CCDC192: variants seen among roughly 807,000 people sequenced by gnomAD.
The protein encoded by CCDC192 is coiled-coil domain-containing protein 192.
At chr5:127,829,420 T>C (rs1374985747) in intron 5 of CCDC192, among the ~76,000 whole-genome samples, 1 of 152,124 alleles carries the variant, frequency 6.6e-6, no homozygotes, top group Non-Finnish European at 1.5e-5. Context: ...GGGGAAAATA[T>C]CATCTCCCAC....
chr5:127,706,722 C>G (rs1198908692), intron 1 of CCDC192, among the ~76,000 whole-genome samples: 1 of 152,040 alleles, frequency 6.6e-6, no homozygotes, highest in South Asian at 2.1e-4. Flanking sequence ...AAGGAGTTTA[C>G]ATTTTCAGTT....
At chr5:127,783,315 G>C (rs1209829608) in intron 3 of CCDC192, among the ~76,000 whole-genome samples, 1 of 152,122 alleles carries the variant, frequency 6.6e-6, no homozygotes, top group African/African-American at 2.4e-5. Context: ...TTGATAGGTT[G>C]TGTCACTATT....
intron 2 of CCDC192, among the ~76,000 whole-genome samples, chr5:127,723,628 T>G (rs942153997): frequency 1.3e-5 from 2 of 152,212 alleles, no homozygotes; most frequent in African/African-American, 4.8e-5. Flanking sequence ...AAGATATCAT[T>G]CGAAGGGGTT....
At chr5:127,911,928 A>C (rs1362933574) in intron 6 of CCDC192, among the ~76,000 whole-genome samples, 1 of 150,658 alleles carries the variant, frequency 6.6e-6, no homozygotes, top group African/African-American at 2.4e-5. Context: ...CCTCTCACCA[A>C]ATTTTTTTTT....
intron 3 of CCDC192, 117 bp downstream of exon 3, chr5:127,754,492 CAT>C (rs1223427293): frequency 8.2e-4 from 216 of 264,112 alleles, no homozygotes; most frequent in Admixed American, 4.8e-3. Context: ...CACACACACA[CAT>C]ACACACACAC....
At chr5:127,877,379 A>C (rs1752126188) in intron 6 of CCDC192, among the ~76,000 whole-genome samples, 1 of 151,866 alleles carries the variant, frequency 6.6e-6, no homozygotes, top group Non-Finnish European at 1.5e-5. Context: ...CTACCTGTAT[A>C]GAAAAACATG....
chr5:127,902,462 C>T (rs557402587), intron 6 of CCDC192, among the ~76,000 whole-genome samples: 1 of 152,096 alleles, frequency 6.6e-6, no homozygotes, highest in East Asian at 1.9e-4. Context: ...AAACTTCCTG[C>T]TCTCATTTAG....
chr5:127,739,822 C>T (rs1753297284), intron 2 of CCDC192: 1 of 152,810 alleles, frequency 6.5e-6, no homozygotes, highest in African/African-American at 2.4e-5. Flanking sequence ...TGACCTGCGC[C>T]CACTGTCTGG....
At chr5:127,865,204 C>G (rs1751558027) in intron 5 of CCDC192, among the ~76,000 whole-genome samples, 1 of 152,002 alleles carries the variant, frequency 6.6e-6, no homozygotes, top group Non-Finnish European at 1.5e-5. Flanking sequence ...GTCTCTCCAC[C>G]TATGAAACAT....
chr5:127,854,753 A>G (rs1750986686), intron 5 of CCDC192, among the ~76,000 whole-genome samples: 2 of 152,196 alleles, frequency 1.3e-5, no homozygotes, highest in African/African-American at 2.4e-5. Context: ...ATAATGCAAT[A>G]AAGTGAGTCA....
At chr5:127,786,140 G>T in intron 3 of CCDC192, 2 of 1,086,760 alleles carry the variant, frequency 1.8e-6, no homozygotes, top group Non-Finnish European at 2.8e-6. Context: ...AGTTCTGTGT[G>T]GAAAATTTCC....
intron 5 of CCDC192, among the ~76,000 whole-genome samples, chr5:127,851,200 G>C (rs577704519): frequency 6.6e-6 from 1 of 152,020 alleles, no homozygotes; most frequent in Non-Finnish European, 1.5e-5. Flanking sequence ...TATTAAATTG[G>C]TGTCTATGAT....
chr5:127,850,720 A>G (rs1268111282), intron 5 of CCDC192, among the ~76,000 whole-genome samples: 1 of 152,036 alleles, frequency 6.6e-6, no homozygotes, highest in Non-Finnish European at 1.5e-5. Context: ...AATCCCAGCA[A>G]TTTGGGAGGC....
At chr5:127,842,634 C>CA (rs1483314281) in intron 5 of CCDC192, among the ~76,000 whole-genome samples, 1 of 152,206 alleles carries the variant, frequency 6.6e-6, no homozygotes, top group African/African-American at 2.4e-5. Context: ...TAATTTTCTA[C>CA]AAAATATTCC....
chr5:127,809,838 T>C (rs980056368), intron 5 of CCDC192, among the ~76,000 whole-genome samples: 3 of 152,126 alleles, frequency 2.0e-5, no homozygotes, highest in Non-Finnish European at 2.9e-5. Context: ...AAGCCCAAGA[T>C]CACTAATTTT....
chr5:127,727,335 G>A (rs1417021110), intron 2 of CCDC192, among the ~76,000 whole-genome samples: 1 of 152,102 alleles, frequency 6.6e-6, no homozygotes, highest in East Asian at 1.9e-4. Context: ...AGCCGGGCAT[G>A]GTGGCGCATG....
In CCDC192 at chr5:127,908,429, G is replaced by A. The variant is rs141529231; in HGVS notation, c.536-32753G>A. Among the ~76,000 whole-genome samples, 530 of 152,162 alleles carry A rather than the reference G, an allele frequency of 3.5e-3. 2 individuals are homozygous for A. Among genetic ancestry groups the A allele is most frequent in the African/African-American group, 0.012 (499 of 41,514 alleles). Reference sequence around the variant, plus strand: ...TTAATTTTCAAAGAAGTGTAAAGGGGTATTATTCTTAAAGTAATACTATAA... The same window carrying A: ...TTAATTTTCAAAGAAGTGTAAAGGGATATTATTCTTAAAGTAATACTATAA... On this transcript the variant is annotated intron_variant, in intron 6 of 6. Coordinates refer to ENST00000514853, the MANE Select transcript of CCDC192 (RefSeq NM_001317938.2).
chr5:127,870,326 C>T (rs974900274), intron 5 of CCDC192, among the ~76,000 whole-genome samples: 3 of 152,200 alleles, frequency 2.0e-5, no homozygotes, highest in African/African-American at 7.2e-5. Flanking sequence ...CACACTTCAC[C>T]AGCACACTTC....
At position 127,907,410 on chromosome 5, in the gene CCDC192, C is replaced by G. The variant is rs1010974127; in HGVS notation, c.535+31749C>G. Among the ~76,000 whole-genome samples the G allele has an allele frequency of 2.6e-5, 4 of 152,138 alleles. No homozygotes were observed. In the East Asian group the frequency reaches 7.7e-4, roughly 29 times the overall value. On this transcript the variant is annotated intron_variant, in intron 6 of 6. Coordinates refer to ENST00000514853, the MANE Select transcript of CCDC192 (RefSeq NM_001317938.2). ...GTAATTTACATTGAAAACAATTTTG[C>G]ATATTACAATTCTTCAGTTATTGTG...
Sources: gnomAD v4.1 joint callset for allele counts (sites outside exome capture counted in the v4.1 genomes callset) on GRCh38, gnomAD v4.1.1 for gene constraint, MANE v1.5 for transcripts, NCBI Gene and HGNC (gene_info 2026-07-23, HGNC 2026-07-21) for gene names.